MAML3: variants seen among roughly 807,000 people sequenced by gnomAD.
The protein encoded by MAML3 is mastermind-like protein 3.
Under a neutral mutation model 101.9 loss-of-function variants are expected in MAML3, and 27 were observed. The observed-to-expected ratio is 0.27, with a 90% CI of 0.20 to 0.37. MAML3 has a LOEUF of 0.37. Ranked by LOEUF, MAML3 falls within the 10% of genes least tolerant of loss-of-function variation. The pLI, the probability that MAML3 is intolerant of heterozygous loss-of-function variation, is 1.00. For missense variants in MAML3, 1,316 were observed against 1,444.9 expected (o/e 0.91, Z 1.45); for synonymous variants, 501 against 555.9 (o/e 0.90, Z 1.39).
At chr4:139,953,243 G>A (rs1338879701) in intron 1 of MAML3, among the ~76,000 whole-genome samples, 1 of 152,174 alleles carries the variant, frequency 6.6e-6, no homozygotes, top group African/African-American at 2.4e-5. Flanking sequence ...AGGAAGAAAG[G>A]GGTAGAAAAG....
intron 1 of MAML3, among the ~76,000 whole-genome samples, chr4:139,902,247 GCACACGCACA>G (rs1174200889): frequency 4.0e-5 from 4 of 100,008 alleles, no homozygotes; most frequent in African/African-American, 6.3e-5. Flanking sequence ...AGGCGCGCAC[GCACACGCACA>G]CACACGCACA....
chr4:139,848,574 G>A, intron 2 of MAML3, among the ~76,000 whole-genome samples: 1 of 152,098 alleles, frequency 6.6e-6, no homozygotes, highest in East Asian at 1.9e-4. Context: ...TTGCCAATCT[G>A]TACAAATTAT....
intron 2 of MAML3, among the ~76,000 whole-genome samples, chr4:139,824,609 G>C (rs891997601): frequency 6.6e-6 from 1 of 152,186 alleles, no homozygotes; most frequent in African/African-American, 2.4e-5. Context: ...TTGCATTCAA[G>C]GGTCACAGAT....
intron 1 of MAML3, among the ~76,000 whole-genome samples, chr4:140,091,532 CAAAACA>C (rs1560890520): frequency 2.5e-4 from 3 of 12,082 alleles, no homozygotes; most frequent in Non-Finnish European, 4.8e-4. Flanking sequence ...AACAAAACAA[CAAAACA>C]AAAACAAAAC....
rs1728058152 is a variant in MAML3, at chr4:139,717,944, ACTTTGCC to A, written c.*1372_*1378del. ...CTGTACAGGACTTTGGAAGAGGACTACTTTGCCCATATGAAATAAACTACATCTCCTT... is the reference window on the plus strand; with the variant it reads ...CTGTACAGGACTTTGGAAGAGGACTACATATGAAATAAACTACATCTCCTT... On this transcript the variant is annotated 3_prime_UTR_variant, in exon 5 of 5. Transcript: ENST00000509479. 6.6e-6 allele frequency: 1 copy of A among 152,224 alleles called. No individual in the cohort carries two copies. The highest frequency in any genetic ancestry group is 2.1e-4 in the South Asian group (1 of 4,826). The allele number at this position is 152,224 out of a possible 1,614,324, so 9.4% of individuals were successfully genotyped here.
intron 1 of MAML3, among the ~76,000 whole-genome samples, chr4:139,997,222 C>CT (rs1416184557): frequency 4.6e-5 from 7 of 150,602 alleles, no homozygotes; most frequent in Admixed American, 1.3e-4. Flanking sequence ...TTCTATGTCA[C>CT]TTTTTTTTGT....
intron 1 of MAML3, among the ~76,000 whole-genome samples, chr4:140,128,303 C>G (rs1300591860): frequency 6.6e-6 from 1 of 152,138 alleles, no homozygotes; most frequent in African/African-American, 2.4e-5. Flanking sequence ...AGTTTAGATA[C>G]AGTCACAGAT....
At chr4:140,088,553 C>T (rs887908546) in intron 1 of MAML3, among the ~76,000 whole-genome samples, 2 of 152,134 alleles carry the variant, frequency 1.3e-5, no homozygotes, top group African/African-American at 4.8e-5. Context: ...TAGTCTTTGT[C>T]CTATTCTACG....
At chr4:140,070,245 C>G (rs150801698) in intron 1 of MAML3, among the ~76,000 whole-genome samples, 110 of 152,264 alleles carry the variant, frequency 7.2e-4, no homozygotes, top group Middle Eastern at 3.4e-3. Context: ...TCCCACTTAG[C>G]AAGTGCTTCA....
intron 1 of MAML3, among the ~76,000 whole-genome samples, chr4:140,020,886 T>C (rs1272869168): frequency 6.6e-6 from 1 of 152,192 alleles, no homozygotes; most frequent in Non-Finnish European, 1.5e-5. Flanking sequence ...CCCGTTCTCA[T>C]AAATTTACCT....
chr4:139,891,980 T>C (rs1427086559), intron 1 of MAML3, among the ~76,000 whole-genome samples: 4 of 152,242 alleles, frequency 2.6e-5, no homozygotes, highest in Non-Finnish European at 4.4e-5. Context: ...TGTTTTGTCT[T>C]AAGCTTTTTT....
chr4:140,059,512 C>T (rs575715823), intron 1 of MAML3, among the ~76,000 whole-genome samples: 1 of 152,280 alleles, frequency 6.6e-6, no homozygotes, highest in Non-Finnish European at 1.5e-5. Flanking sequence ...AAAAGAAATG[C>T]TCTGACATTC....
rs1728502442 is a variant in MAML3 at position 140,115,429 on chromosome 4, A to G, written c.468+37431T>C. 2.0e-5 allele frequency among the ~76,000 whole-genome samples: 3 copies of G among 152,336 alleles called. No individual in the cohort carries two copies. In the South Asian group the frequency reaches 6.2e-4, roughly 32 times the overall value. Reference sequence around the variant, plus strand: ...AACAAATGAAATATGCAAAGCCACAAATATCCCTTATAATTTTTATGTGGT... The same window carrying G: ...AACAAATGAAATATGCAAAGCCACAGATATCCCTTATAATTTTTATGTGGT... On this transcript the variant is annotated intron_variant, in intron 1 of 4. Coordinates refer to ENST00000509479, the MANE Select transcript of MAML3 (RefSeq NM_018717.5).
intron 1 of MAML3, among the ~76,000 whole-genome samples, chr4:140,114,116 G>C (rs908930981): frequency 6.6e-6 from 1 of 152,128 alleles, no homozygotes; most frequent in Non-Finnish European, 1.5e-5. Flanking sequence ...AACTCCCTGT[G>C]CAGTCTTCCC....
intron 1 of MAML3, among the ~76,000 whole-genome samples, chr4:140,117,256 C>A (rs957631166): frequency 6.6e-6 from 1 of 152,094 alleles, no homozygotes. Flanking sequence ...TTATATTGAT[C>A]CAAATATCTC....
At chr4:139,973,269 T>C (rs1269860189) in intron 1 of MAML3, among the ~76,000 whole-genome samples, 3 of 152,182 alleles carry the variant, frequency 2.0e-5, no homozygotes, top group Non-Finnish European at 4.4e-5. Context: ...CAGCAGGATT[T>C]CTCCAACAAG....
chr4:139,942,179 C>A (rs1324135282), intron 1 of MAML3, among the ~76,000 whole-genome samples: 2 of 150,368 alleles, frequency 1.3e-5, no homozygotes, highest in Non-Finnish European at 3.0e-5. Context: ...GGAAGGCAGG[C>A]AGGCAGGCAG....
chr4:140,068,518 A>C (rs931408686), intron 1 of MAML3, among the ~76,000 whole-genome samples: 6 of 152,180 alleles, frequency 3.9e-5, no homozygotes, highest in South Asian at 2.1e-4. Flanking sequence ...AGAGAATGCA[A>C]ACAAGCACTG....
At chr4:139,790,207 C>T (rs1249491483) in intron 2 of MAML3, among the ~76,000 whole-genome samples, 1 of 97,520 alleles carries the variant, frequency 1.0e-5, no homozygotes, top group African/African-American at 4.1e-5. Flanking sequence ...GTCAACTCCA[C>T]CCTAGTGACA....
Sources: allele counts gnomAD v4.1 joint callset (sites outside exome capture counted in the v4.1 genomes callset), GRCh38; gene constraint gnomAD v4.1.1; transcripts MANE v1.5; gene names NCBI Gene and HGNC (gene_info 2026-07-23, HGNC 2026-07-21).